Variants in MIB1 observed in about 807,000 individuals in gnomAD.
MIB1 encodes the protein E3 ubiquitin-protein ligase MIB1.
In MIB1, 278 loss-of-function variants were observed where a neutral mutation model predicts 124.5. The observed-to-expected ratio is 2.23, with a 90% CI of 2.02 to 2.47. The LOEUF (loss-of-function observed/expected upper bound fraction) is 2.47, where lower values mean the gene tolerates loss of function less well. MIB1 is among the 30% of genes most tolerant of loss of function. The pLI is 0.00. For synonymous variants in MIB1, 446 were observed against 429.4 expected (o/e 1.04, Z -0.48); for missense variants, 957 against 1,254.4 (o/e 0.76, Z 3.58).
chr18:21,782,459 C>G (rs1246369228), intron 6 of MIB1, among the ~76,000 whole-genome samples: 7 of 152,044 alleles, frequency 4.6e-5, no homozygotes, highest in Admixed American at 4.6e-4. Context: ...CTATAGATAT[C>G]CCTCTTACTA....
intron 1 of MIB1, among the ~76,000 whole-genome samples, chr18:21,750,377 G>C (rs1174860240): frequency 1.3e-5 from 2 of 151,768 alleles, no homozygotes; most frequent in Admixed American, 6.6e-5. Flanking sequence ...GTCCAGGCTA[G>C]AGTGCAGTGG....
chr18:21,732,332 A>AT (rs942768639), intron 1 of MIB1, among the ~76,000 whole-genome samples: 2 of 145,452 alleles, frequency 1.4e-5, no homozygotes. Context: ...CATCTAAAAA[A>AT]ATATATATAT....
chr18:21,745,579 T>C (rs575130887), intron 1 of MIB1, among the ~76,000 whole-genome samples: 1 of 151,260 alleles, frequency 6.6e-6, no homozygotes, highest in African/African-American at 2.4e-5. Flanking sequence ...GTGAAGGGAG[T>C]GGAGAGCACG....
chr18:21,728,602 A>G (rs1471026718), intron 1 of MIB1, among the ~76,000 whole-genome samples: 1 of 152,188 alleles, frequency 6.6e-6, no homozygotes, highest in African/African-American at 2.4e-5. Flanking sequence ...TCAGACAGAA[A>G]TTGCATATTG....
At chr18:21,724,819 G>A (rs111381397) in intron 1 of MIB1, among the ~76,000 whole-genome samples, 43 of 132,152 alleles carry the variant, frequency 3.3e-4, no homozygotes, top group African/African-American at 1.2e-3. Context: ...TTGGCCCGGC[G>A]CAGTGGCTCA....
At chr18:21,758,513 A>T (rs2041060253) in intron 1 of MIB1, among the ~76,000 whole-genome samples, 1 of 152,104 alleles carries the variant, frequency 6.6e-6, no homozygotes, top group Non-Finnish European at 1.5e-5. Context: ...ATAAGTAGTT[A>T]CATTTAAATA....
At chr18:21,827,040 T>C (rs6508626) in intron 12 of MIB1, 147,342 of 152,210 alleles carry the variant, frequency 0.97, 71,531 homozygotes, top group East Asian at 1. Flanking sequence ...CTCAAGTGTG[T>C]TTTTGGATGG....
chr18:21,760,895 T>C (rs1442639565), intron 1 of MIB1, among the ~76,000 whole-genome samples: 11 of 152,232 alleles, frequency 7.2e-5, no homozygotes, highest in Admixed American at 5.9e-4. Context: ...TTGTTTAGTC[T>C]ATTTTACTTT....
In MIB1 at chr18:21,724,998, G is replaced by T. The variant is rs534717758; in HGVS notation, n.167+19875G>T. Among the ~76,000 whole-genome samples the T allele has an allele frequency of 3.4e-3, 503 of 148,108 alleles. 1 individual carries two copies. The highest frequency in any genetic ancestry group is 0.012 in the African/African-American group (473 of 40,254). ...TAGTCCCAGCTACTCGGGAGGCTGAGGCAGGAGAATGGCGTGAACGCGGGA... is the reference window on the plus strand; with the variant it reads ...TAGTCCCAGCTACTCGGGAGGCTGATGCAGGAGAATGGCGTGAACGCGGGA... On this transcript the variant is annotated intron_variant and non_coding_transcript_variant, in intron 1 of 20. Coordinates refer to the MIB1 transcript ENST00000578646.
At chr18:21,751,389 T>C (rs1029387879) in intron 1 of MIB1, among the ~76,000 whole-genome samples, 1 of 152,092 alleles carries the variant, frequency 6.6e-6, no homozygotes, top group African/African-American at 2.4e-5. Context: ...ACCCTGCAAG[T>C]AGCTGTAACT....
chr18:21,732,799 C>CA (rs2040778190), intron 1 of MIB1, among the ~76,000 whole-genome samples: 1 of 152,216 alleles, frequency 6.6e-6, no homozygotes, highest in East Asian at 1.9e-4. Flanking sequence ...GATTTCCCTT[C>CA]AAAACGCTCA....
chr18:21,771,334 A>G (rs1466634817), intron 3 of MIB1, among the ~76,000 whole-genome samples: 2 of 152,242 alleles, frequency 1.3e-5, no homozygotes, highest in African/African-American at 2.4e-5. Flanking sequence ...TTTAAAGTAA[A>G]TTTGATTTAA....
chr18:21,780,320 C>T (rs2041344662), intron 6 of MIB1, among the ~76,000 whole-genome samples: 1 of 151,198 alleles, frequency 6.6e-6, no homozygotes, highest in African/African-American at 2.5e-5. Context: ...TACTATCAAA[C>T]ATTAGATTTT....
intron 1 of MIB1, among the ~76,000 whole-genome samples, chr18:21,752,388 A>T (rs1223007149): frequency 6.6e-6 from 1 of 152,214 alleles, no homozygotes; most frequent in African/African-American, 2.4e-5. Flanking sequence ...GGTCATGGAT[A>T]ATTATGTTAC....
At chr18:21,813,588 C>G (rs2041798423) in intron 10 of MIB1, among the ~76,000 whole-genome samples, 2 of 114,738 alleles carry the variant, frequency 1.7e-5, no homozygotes, top group East Asian at 2.3e-4. Context: ...AGTTGTAGGT[C>G]CCTACTGTTG....
At chr18:21,815,056 T>TATATATAA (rs1336150496) in intron 10 of MIB1, among the ~76,000 whole-genome samples, 3 of 114,264 alleles carry the variant, frequency 2.6e-5, no homozygotes, top group Non-Finnish European at 3.7e-5. Flanking sequence ...TATATATATA[T>TATATATAA]AAAATTATAT....
intron 16 of MIB1, among the ~76,000 whole-genome samples, chr18:21,848,281 C>T (rs1029318337): frequency 2.0e-5 from 3 of 151,992 alleles, no homozygotes; most frequent in Non-Finnish European, 4.4e-5. Flanking sequence ...CATGGTGAGA[C>T]CCTGTCTCTA....
In MIB1 at chr18:21,724,572, G is replaced by A. The variant is rs567393916; in HGVS notation, n.167+19449G>A. Among the ~76,000 whole-genome samples, 24 of 150,522 alleles carry A rather than the reference G, an allele frequency of 1.6e-4. 1 individual carries two copies. In the South Asian group the frequency reaches 4.8e-3, roughly 30 times the overall value. ...ATACAAAAATTAGCCGGGCGTGGTGGCATATGCCTGTAGTCCCAGCTACTC... is the reference window on the plus strand; with the variant it reads ...ATACAAAAATTAGCCGGGCGTGGTGACATATGCCTGTAGTCCCAGCTACTC... On this transcript the variant is annotated intron_variant and non_coding_transcript_variant, in intron 1 of 20. Transcript: ENST00000578646.
chr18:21,705,279 C>A (rs1040491579), intron 1 of MIB1, among the ~76,000 whole-genome samples: 1 of 152,214 alleles, frequency 6.6e-6, no homozygotes, highest in Non-Finnish European at 1.5e-5. Context: ...ACATCATACT[C>A]GACTCTGAAT....
Sources: gnomAD v4.1 joint callset for allele counts (sites outside exome capture counted in the v4.1 genomes callset) on GRCh38, gnomAD v4.1.1 for gene constraint, MANE v1.5 for transcripts, NCBI Gene and HGNC (gene_info 2026-07-23, HGNC 2026-07-21) for gene names.